The following EXOSC5 variants were observed in gnomAD, a reference collection of about 807,000 sequenced individuals.
EXOSC5 encodes the protein exosome component 5.
A neutral mutation model predicts 23.7 loss-of-function variants in EXOSC5; 15 were observed. That is an observed-to-expected ratio of 0.63 (90% CI 0.42 to 0.97). The LOEUF is 0.97. Ranked by LOEUF, EXOSC5 falls within the 50% of genes least tolerant of loss-of-function variation. The pLI is 0.00. For missense variants in EXOSC5, 305 were observed against 316.3 expected, an observed-to-expected ratio of 0.96 and a Z score of 0.27; for synonymous variants, 143 against 140.9, an observed-to-expected ratio of 1.02 and a Z score of -0.11.
At chr19:41,392,801 G>T in intron 2 of EXOSC5, 66 bp downstream of exon 2, 2 of 1,457,780 alleles carry the variant, frequency 1.4e-6, no homozygotes, top group Non-Finnish European at 1.9e-6. Context: ...CAGCTGGTAG[G>T]GAGGAGCTGG....
At position 41,389,176 on chromosome 19, in the gene EXOSC5, C is replaced by A. The variant is rs1477705759; in HGVS notation, c.525+589G>T. Among the ~76,000 whole-genome samples, 7 of 152,266 alleles carry A rather than the reference C, an allele frequency of 4.6e-5. No individual in the cohort carries two copies. The East Asian group carries it at 1.4e-3, about 29-fold the overall frequency. ...GGCCAGGCTGGTCTTCAACTCCCAGCCTCAGGTGATCTGCCTGCCTCAGAC... is the reference window on the plus strand; with the variant it reads ...GGCCAGGCTGGTCTTCAACTCCCAGACTCAGGTGATCTGCCTGCCTCAGAC... On this transcript the variant is annotated intron_variant, in intron 4 of 5. Coordinates refer to ENST00000221233, the MANE Select transcript of EXOSC5 (RefSeq NM_020158.4).
In EXOSC5 at chr19:41,397,295, G is replaced by A; in HGVS notation, c.34C>T (p.Arg12Cys). The change falls in exon 1 of 6, where the codon CGT (arginine) becomes TGT (cysteine). Residue 12 changes from arginine to cysteine, a missense_variant. Coordinates refer to ENST00000221233, the MANE Select transcript of EXOSC5 (RefSeq NM_020158.4). ...CTGGACCCTGTTCCATTTTCAGCACGGATTTTGGCGTCAGTATGCGTCTCC... is the reference window on the plus strand; with the variant it reads ...CTGGACCCTGTTCCATTTTCAGCACAGATTTTGGCGTCAGTATGCGTCTCC... ...EEETHTDAKI[R>C]AENGTGSSPR... 1 of 1,613,952 alleles carries A rather than the reference G, an allele frequency of 6.2e-7. No homozygotes were observed. The highest frequency in any genetic ancestry group is 8.5e-7 in the Non-Finnish European group (1 of 1,179,824).
rs2038992972 is a variant in EXOSC5, at chr19:41,387,525, AGTAGAGCCCCTT to A, written c.592_603del (p.Lys198_Tyr201del). 6.2e-7 allele frequency: 1 copy of A among 1,601,864 alleles called. No individual in the cohort carries two copies. The highest frequency in any genetic ancestry group is 1.3e-5 in the African/African-American group (1 of 74,860). On this transcript the variant is annotated inframe_deletion, in exon 5 of 6. Coordinates refer to ENST00000221233, the MANE Select transcript of EXOSC5 (RefSeq NM_020158.4). ...CCCCATGCTGGTACCTCAGTGTCTG[AGTAGAGCCCCTT>A]GGTGCTGGACATCAGCAGCTTCCGT...
intron 3 of EXOSC5, 70 bp from the exon 4 acceptor site, chr19:41,389,975 C>A: frequency 6.7e-7 from 1 of 1,500,918 alleles, no homozygotes; most frequent in East Asian, 2.4e-5. Flanking sequence ...TCTTGTTGCC[C>A]AGGCTGGAGT....
At chr19:41,392,811 G>C (rs1488687217) in intron 2 of EXOSC5, 56 bp downstream of exon 2, 27 of 1,530,438 alleles carry the variant, frequency 1.8e-5, no homozygotes, top group Admixed American at 3.4e-5. Flanking sequence ...GGAGGAGCTG[G>C]GGGGGTGATT....
intron 5 of EXOSC5, among the ~76,000 whole-genome samples, chr19:41,386,944 A>C (rs902207347): frequency 1.3e-5 from 2 of 152,188 alleles, no homozygotes; most frequent in African/African-American, 4.8e-5. Flanking sequence ...TCAGGATCAG[A>C]TTCTGACAGC....
At chr19:41,396,604 G>A (rs2123229353) in intron 1 of EXOSC5, among the ~76,000 whole-genome samples, 1 of 143,494 alleles carries the variant, frequency 7.0e-6, no homozygotes, top group East Asian at 2.0e-4. Flanking sequence ...CTATAGGTAA[G>A]ACTTGCCCTA....
chr19:41,397,251 G>A lies in EXOSC5; in HGVS notation c.78C>T (p.Cys26=), dbSNP rs2039077924. 1.2e-6 allele frequency: 2 copies of A among 1,614,068 alleles called. No individual in the cohort carries two copies. Among genetic ancestry groups the A allele is most frequent in the South Asian group, 2.2e-5 (2 of 91,088 alleles). Residue 26 remains cysteine, a synonymous_variant, in exon 1 of 6, where the codon TGC becomes TGT. Transcript: ENST00000221233. ...GTTCGCAGGCAAAGTGCCGGAGGCT[G>A]CAGCCAGGACCCCGAGGGCTGGACC... ...GTGSSPRGPG[C]SLRHFACEQN...
At chr19:41,394,556 C>T (rs1056596873) in intron 1 of EXOSC5, among the ~76,000 whole-genome samples, 12 of 151,838 alleles carry the variant, frequency 7.9e-5, no homozygotes, top group African/African-American at 2.9e-4. Context: ...CCTCTGTCAC[C>T]CAGGAGGCTG....
rs368843646 is a variant in EXOSC5 at position 41,389,842 on chromosome 19, C to T, written c.448G>A (p.Ala150Thr). The change falls in exon 4 of 6, where the codon GCT becomes ACT. Residue 150 changes from alanine (A) to threonine (T), a missense_variant. By Grantham distance (58) the Ala-to-Thr change is moderately conservative. Coordinates refer to ENST00000221233, the MANE Select transcript of EXOSC5 (RefSeq NM_020158.4). ...ALVDAGVPMR[A>T]LFCGVACALD... ...GCGCAGGCGACCCCACAGAAGAGAG[C>T]CCGCATGGGCACACCTGCATCCACC... The T allele has an allele frequency of 3.9e-5, 63 of 1,614,004 alleles. 1 individual carries two copies. The highest frequency in any genetic ancestry group is 3.3e-4 in the Middle Eastern group (2 of 6,084).
chr19:41,390,803 T>G (rs1451143241), intron 3 of EXOSC5, among the ~76,000 whole-genome samples: 4 of 152,246 alleles, frequency 2.6e-5, no homozygotes, highest in Non-Finnish European at 5.9e-5. Flanking sequence ...GCTCTGCTGC[T>G]GATCCTCCAC....
At chr19:41,391,675 G>C in intron 3 of EXOSC5, 166 bp downstream of exon 3, 1 of 836,516 alleles carries the variant, frequency 1.2e-6, no homozygotes, top group South Asian at 2.1e-5. Context: ...ACAGAACAGT[G>C]CCTGGCACAT....
chr19:41,396,116 C>T (rs1249958280), intron 1 of EXOSC5, among the ~76,000 whole-genome samples: 1 of 152,040 alleles, frequency 6.6e-6, no homozygotes, highest in Non-Finnish European at 1.5e-5. Context: ...TGGGGCTGGG[C>T]GTGGTGGCTC....
At position 41,397,354 on chromosome 19, in the gene EXOSC5, G is replaced by A. The variant is rs1229075629; in HGVS notation, c.-26C>T. 2 of 1,594,420 alleles carry A rather than the reference G, an allele frequency of 1.3e-6. No individual in the cohort carries two copies. The highest frequency in any genetic ancestry group is 1.3e-5 in the African/African-American group (1 of 74,570). On this transcript the variant is annotated 5_prime_UTR_variant, in exon 1 of 6. Transcript: ENST00000221233. ...CGCGCCGAGCCCACGTGCGGCTGCA[G>A]TTGTCACTTCCGCCTGGCAGCGCGC...
intron 4 of EXOSC5, 94 bp from the exon 5 acceptor site, chr19:41,387,697 A>G: frequency 1.2e-6 from 1 of 832,882 alleles, no homozygotes; most frequent in Non-Finnish European, 1.7e-6. Context: ...GTGGCTCATG[A>G]CCATAATCTC....
At chr19:41,387,381 A>C in intron 5 of EXOSC5, 133 bp downstream of exon 5, 2 of 737,556 alleles carry the variant, frequency 2.7e-6, no homozygotes, top group African/African-American at 1.8e-5. Context: ...CAAAGTTTGA[A>C]AACTCCCTTT....
At chr19:41,392,338 T>G (rs967084080) in intron 2 of EXOSC5, among the ~76,000 whole-genome samples, 1 of 152,062 alleles carries the variant, frequency 6.6e-6, no homozygotes, top group Non-Finnish European at 1.5e-5. Context: ...TCCCAACACT[T>G]TGGGGGGCTG....
Position 41,389,815 on chromosome 19 carries a change from G to A in EXOSC5, c.475C>T (p.Leu159=), listed in dbSNP as rs200877414. The stretch of plus-strand genomic sequence containing the variant: ...AGCACGAGGGTCCCATCAGAGTCCA[G>A]GGCGCAGGCGACCCCACAGAAGAGA... ...RALFCGVACA[L]DSDGTLVLDP... is the part of the protein sequence containing the mutation. The change falls in exon 4 of 6, where the codon CTG becomes TTG. Residue 159 remains leucine, a synonymous_variant. Coordinates refer to ENST00000221233, the MANE Select transcript of EXOSC5 (RefSeq NM_020158.4). The A allele has an allele frequency of 2.6e-4, 416 of 1,614,158 alleles. No homozygotes were observed. The highest frequency in any genetic ancestry group is 1.6e-4 in the Non-Finnish European group (187 of 1,180,008).
At chr19:41,387,792 G>GAA (rs58638587) in intron 4 of EXOSC5, among the ~76,000 whole-genome samples, 189 bp from the exon 5 acceptor site, 2,861 of 116,216 alleles carry the variant, frequency 0.025, 133 homozygotes, top group African/African-American at 0.081. Context: ...CCCCATCTCA[G>GAA]AAAAAAAAAA....
Sources: allele counts gnomAD v4.1 joint callset (sites outside exome capture counted in the v4.1 genomes callset), GRCh38; gene constraint gnomAD v4.1.1; transcripts MANE v1.5; gene names NCBI Gene and HGNC (gene_info 2026-07-23, HGNC 2026-07-21).